Variants in TRAK2 observed in about 807,000 individuals in gnomAD.
TRAK2 encodes trafficking kinesin protein 2.
In TRAK2, 81 loss-of-function variants were observed where a neutral mutation model predicts 104.6. The ratio of observed to expected loss-of-function variants is 0.77; its 90% CI spans 0.65 to 0.93. The LOEUF (loss-of-function observed/expected upper bound fraction) is 0.93, where lower values mean the gene tolerates loss of function less well. TRAK2 is among the 40% of genes least tolerant of loss of function. The probability of loss-of-function intolerance (pLI) is 0.00; values close to 1 mark genes in which losing one functional copy is unlikely to be tolerated. For missense variants in TRAK2, 1,002 were observed against 1,089.0 expected (o/e 0.92, Z 1.12); for synonymous variants, 406 against 394.4 (o/e 1.03, Z -0.35).
intron 2 of TRAK2, chr2:201,413,076 C>G (rs1367656089): frequency 2.3e-6 from 2 of 877,516 alleles, no homozygotes; most frequent in Non-Finnish European, 3.8e-6. Flanking sequence ...ATTATTTGAT[C>G]CTTTTCAAAT....
chr2:201,406,462 A>G (rs1951595709), intron 3 of TRAK2, among the ~76,000 whole-genome samples: 2 of 152,206 alleles, frequency 1.3e-5, no homozygotes, highest in African/African-American at 2.4e-5. Flanking sequence ...AATAAGTTCT[A>G]AGAAACGACT....
At chr2:201,382,864 A>T (rs1192802364) in intron 15 of TRAK2, among the ~76,000 whole-genome samples, 1 of 152,144 alleles carries the variant, frequency 6.6e-6, no homozygotes, top group Non-Finnish European at 1.5e-5. Flanking sequence ...CTAACATAAG[A>T]CTTTATGGTA....
chr2:201,403,762 C>T (rs910453144), intron 3 of TRAK2, among the ~76,000 whole-genome samples: 5 of 148,860 alleles, frequency 3.4e-5, no homozygotes, highest in Non-Finnish European at 7.4e-5. Flanking sequence ...AAAAAAAAAC[C>T]CACAAAAACC....
chr2:201,433,313 A>G lies in TRAK2; in HGVS notation c.-199-12607T>C, dbSNP rs1951857147. 2.0e-5 allele frequency among the ~76,000 whole-genome samples: 3 copies of G among 152,222 alleles called. No homozygotes were observed. In the South Asian group the frequency reaches 6.2e-4, roughly 32 times the overall value. On this transcript the variant is annotated intron_variant, in intron 1 of 15. Coordinates refer to ENST00000332624, the MANE Select transcript of TRAK2 (RefSeq NM_015049.3). The stretch of plus-strand genomic sequence containing the variant: ...CGGGAAAGCTACACTGGCTACATTC[A>G]GCACAGCTGTTCTATTAGCATTTAT...
rs559805919 is a variant in TRAK2 at position 201,407,617 on chromosome 2, T to A, written c.92-20A>T. ...AGACATCTAAAGAGGAGAGTCTATG[T>A]AAATGAATCCAATATATTTCAACTT... On this transcript the variant is annotated intron_variant, in intron 2 of 15. Coordinates refer to ENST00000332624, the MANE Select transcript of TRAK2 (RefSeq NM_015049.3). 2 of 1,585,236 alleles carry A rather than the reference T, an allele frequency of 1.3e-6. No individual in the cohort carries two copies. The highest frequency in any genetic ancestry group is 2.2e-5 in the East Asian group (1 of 44,484).
chr2:201,400,984 C>G (rs1373059146), intron 4 of TRAK2, 34 bp downstream of exon 4: 1 of 1,553,418 alleles, frequency 6.4e-7, no homozygotes, highest in East Asian at 2.2e-5. Context: ...CAAGTTTTAC[C>G]TTTTTGTACT....
In TRAK2 at chr2:201,387,959, A is replaced by G; in HGVS notation, c.1440T>C (p.Ser480=). Residue 480 remains serine, a synonymous_variant, in exon 13 of 16, where the codon AGT becomes AGC. Coordinates refer to ENST00000332624, the MANE Select transcript of TRAK2 (RefSeq NM_015049.3). ...GGCGATGCAGTGCTGTAGCCAAATC[A>G]CTATCTCCTGAGGGTCCTGGTTGGC... ...KMGQPGPSGD[S]DLATALHRLS... The G allele has an allele frequency of 6.2e-7, 1 of 1,614,080 alleles. No individual in the cohort carries two copies. Among genetic ancestry groups the G allele is most frequent in the Non-Finnish European group, 8.5e-7 (1 of 1,179,988 alleles).
chr2:201,447,280 A>C lies in TRAK2; in HGVS notation c.-200+4070T>G, dbSNP rs1208728492. On this transcript the variant is annotated intron_variant, in intron 1 of 15. Coordinates refer to ENST00000332624, the MANE Select transcript of TRAK2 (RefSeq NM_015049.3). The surrounding 1 kb of genome is among the most constrained non-coding windows in gnomAD (Gnocchi z 4.1). ...TCCAGTTTCATTTCTCTCAACATTT[A>C]TCTCTTCACCAAAAAACCTCAATCA... is the stretch of plus-strand genomic sequence containing the variant. Among the ~76,000 whole-genome samples, 1 of 152,108 alleles carries C rather than the reference A, an allele frequency of 6.6e-6. No homozygotes were observed. The highest frequency in any genetic ancestry group is 1.5e-5 in the Non-Finnish European group (1 of 68,016).
rs908400288 is a variant in TRAK2, at chr2:201,447,953, T to G, written c.-200+3397A>C. Among the ~76,000 whole-genome samples the G allele has an allele frequency of 6.6e-6, 1 of 152,242 alleles. No homozygotes were observed. Among genetic ancestry groups the G allele is most frequent in the Non-Finnish European group, 1.5e-5 (1 of 68,046 alleles). On this transcript the variant is annotated intron_variant, in intron 1 of 15. Transcript: ENST00000332624. The surrounding 1 kb of genome is among the most constrained non-coding windows in gnomAD (Gnocchi z 4.1). ...CACACTATGTTAATTGTCTCTTTCC[T>G]TCTTCAAACTACATTCCTTAAGAGC...
At chr2:201,403,486 C>T (rs1025449745) in intron 3 of TRAK2, among the ~76,000 whole-genome samples, 15 of 152,060 alleles carry the variant, frequency 9.9e-5, no homozygotes, top group Admixed American at 7.2e-4. Flanking sequence ...CGCAGCCCCA[C>T]TAAGAACATA....
intron 14 of TRAK2, among the ~76,000 whole-genome samples, chr2:201,385,897 A>G (rs966790196): frequency 6.6e-6 from 1 of 152,224 alleles, no homozygotes. Context: ...ATGATATATT[A>G]AATGTCAATA....
chr2:201,443,660 T>A (rs1005601250), intron 1 of TRAK2, among the ~76,000 whole-genome samples: 1 of 152,074 alleles, frequency 6.6e-6, no homozygotes, highest in African/African-American at 2.4e-5. Flanking sequence ...GATTCCTCCA[T>A]CCCTCATCCT....
intron 3 of TRAK2, among the ~76,000 whole-genome samples, chr2:201,407,167 A>T (rs73988772): frequency 0.056 from 8,563 of 152,306 alleles, 291 homozygotes; most frequent in African/African-American, 0.074. Context: ...GGAAAATATC[A>T]AGTAACGAAA....
intron 15 of TRAK2, among the ~76,000 whole-genome samples, chr2:201,382,213 G>A (rs1018273783): frequency 6.6e-6 from 1 of 152,148 alleles, no homozygotes; most frequent in East Asian, 1.9e-4. Flanking sequence ...AACGAATCAT[G>A]TACTTGAGGA....
chr2:201,431,841 C>G (rs1018010360), intron 1 of TRAK2, among the ~76,000 whole-genome samples: 1 of 152,130 alleles, frequency 6.6e-6, no homozygotes, highest in Non-Finnish European at 1.5e-5. Context: ...TGATCTTGGA[C>G]AAATTACTTG....
rs539631122 is a variant in TRAK2 at position 201,444,733 on chromosome 2, C to T, written c.-200+6617G>A. Among the ~76,000 whole-genome samples, 50 of 151,744 alleles carry T rather than the reference C, an allele frequency of 3.3e-4. No homozygotes were observed. The South Asian group carries it at 0.01, about 30-fold the overall frequency. Reference sequence around the variant, plus strand: ...AGAGAACAAAGGTAGGCAGAGGAGGCTACTTTACTTTTTCTTGAAAGGAAA... The same window carrying T: ...AGAGAACAAAGGTAGGCAGAGGAGGTTACTTTACTTTTTCTTGAAAGGAAA... On this transcript the variant is annotated intron_variant, in intron 1 of 15. Transcript: ENST00000332624.
At chr2:201,410,050 C>T (rs551662606) in intron 2 of TRAK2, among the ~76,000 whole-genome samples, 1 of 152,238 alleles carries the variant, frequency 6.6e-6, no homozygotes, top group East Asian at 1.9e-4. Context: ...GTAATCCCAG[C>T]ACTCTGGGAG....
rs756935224 is a variant in TRAK2, at chr2:201,406,877, C to T, written c.286+526G>A. On this transcript the variant is annotated intron_variant, in intron 3 of 15. Coordinates refer to ENST00000332624, the MANE Select transcript of TRAK2 (RefSeq NM_015049.3). ...ATTTTCAGAACAAATCTGGCTCAGT[C>T]TCTCACTTAGGAATCCTTAAATAAT... is the stretch of plus-strand genomic sequence containing the variant. Among the ~76,000 whole-genome samples, 25 of 152,160 alleles carry T rather than the reference C, an allele frequency of 1.6e-4. 1 individual carries two copies. Among genetic ancestry groups the T allele is most frequent in the Non-Finnish European group, 3.1e-4 (21 of 68,026 alleles).
At chr2:201,413,416 C>T in intron 2 of TRAK2, 1 of 489,512 alleles carries the variant, frequency 2.0e-6, no homozygotes, top group Non-Finnish European at 3.6e-6. Flanking sequence ...TCCTGCTCTG[C>T]CTTCACACGT....
Sources: gnomAD v4.1 joint callset for allele counts (sites outside exome capture counted in the v4.1 genomes callset) on GRCh38, gnomAD v4.1.1 for gene constraint, Gnocchi (gnomAD v3.1) non-coding constraint, MANE v1.5 for transcripts, NCBI Gene and HGNC (gene_info 2026-07-23, HGNC 2026-07-21) for gene names.